The following PHF20 variants were observed in gnomAD, a reference collection of about 807,000 sequenced individuals.
PHF20 encodes PHD finger protein 20.
Under a neutral mutation model 113.5 loss-of-function variants are expected in PHF20, and 23 were observed. That is an observed-to-expected ratio of 0.20 (90% CI 0.15 to 0.29). The LOEUF (loss-of-function observed/expected upper bound fraction) is 0.29, where lower values mean the gene tolerates loss of function less well. Ranked by LOEUF, PHF20 falls within the 10% of genes least tolerant of loss-of-function variation. The pLI is 1.00. For missense variants in PHF20, 943 were observed against 1,219.6 expected (o/e 0.77, Z 3.38); for synonymous variants, 434 against 457.3 (o/e 0.95, Z 0.65).
intron 9 of PHF20, among the ~76,000 whole-genome samples, chr20:35,877,705 C>G (rs1360220225): frequency 6.6e-6 from 1 of 152,012 alleles, no homozygotes; most frequent in African/African-American, 2.4e-5. Flanking sequence ...GCCTCAGACC[C>G]TATTCTAAGC....
At chr20:35,787,158 ATTATTTATTTATTTAT>A (rs58760101) in intron 1 of PHF20, among the ~76,000 whole-genome samples, 6 of 143,836 alleles carry the variant, frequency 4.2e-5, no homozygotes, top group African/African-American at 7.8e-5. Context: ...TGCCTGGCTA[ATTATTTATTTATTTAT>A]TTATTTATTT....
At chr20:35,793,000 G>A (rs1038842174) in intron 1 of PHF20, among the ~76,000 whole-genome samples, 3 of 152,104 alleles carry the variant, frequency 2.0e-5, no homozygotes, top group Admixed American at 2.0e-4. Flanking sequence ...CCATCCCTAG[G>A]CATTCCCTGG....
intron 2 of PHF20, among the ~76,000 whole-genome samples, chr20:35,841,360 A>G (rs1013973046): frequency 3.9e-5 from 6 of 152,068 alleles, no homozygotes; most frequent in African/African-American, 1.2e-4. Flanking sequence ...CAATCAATCA[A>G]TCAAAATAAA....
At chr20:35,792,534 T>C (rs2041578408) in intron 1 of PHF20, among the ~76,000 whole-genome samples, 1 of 152,028 alleles carries the variant, frequency 6.6e-6, no homozygotes, top group Non-Finnish European at 1.5e-5. Flanking sequence ...CTTCCTTTCT[T>C]TTTCTTCCTC....
intron 7 of PHF20, among the ~76,000 whole-genome samples, 160 bp downstream of exon 7, chr20:35,869,711 G>C (rs2054384139): frequency 6.6e-6 from 1 of 152,140 alleles, no homozygotes; most frequent in South Asian, 2.1e-4. Flanking sequence ...AGGAGTTTTT[G>C]CTAGAAGAAA....
intron 9 of PHF20, among the ~76,000 whole-genome samples, chr20:35,897,914 C>T (rs1258514159): frequency 6.6e-6 from 1 of 150,586 alleles, no homozygotes; most frequent in Non-Finnish European, 1.5e-5. Flanking sequence ...CTTGCTCTGT[C>T]ACCCAGGCTG....
intron 17 of PHF20, among the ~76,000 whole-genome samples, chr20:35,944,852 C>G (rs551605748): frequency 6.6e-6 from 1 of 152,310 alleles, no homozygotes; most frequent in South Asian, 2.1e-4. Context: ...CAGGCGTGCA[C>G]GTCCGGCCTC....
At chr20:35,897,381 A>G (rs940754661) in intron 9 of PHF20, among the ~76,000 whole-genome samples, 1 of 152,122 alleles carries the variant, frequency 6.6e-6, no homozygotes, top group African/African-American at 2.4e-5. Context: ...TATACGATGT[A>G]TAATGATTAA....
chr20:35,911,296 C>T (rs1165887698), intron 10 of PHF20, among the ~76,000 whole-genome samples: 3 of 152,244 alleles, frequency 2.0e-5, no homozygotes, highest in African/African-American at 7.2e-5. Flanking sequence ...CCCGCCTTGG[C>T]CTCCCAAAGT....
At chr20:35,887,282 T>C (rs1406429328) in intron 9 of PHF20, among the ~76,000 whole-genome samples, 1 of 152,184 alleles carries the variant, frequency 6.6e-6, no homozygotes, top group Non-Finnish European at 1.5e-5. Flanking sequence ...ACAAATACAG[T>C]AGCTGAAACA....
At chr20:35,835,091 A>G (rs978585580) in intron 2 of PHF20, among the ~76,000 whole-genome samples, 4 of 152,130 alleles carry the variant, frequency 2.6e-5, no homozygotes, top group African/African-American at 9.7e-5. Context: ...CCTGGCCAAC[A>G]TGCTGAAACC....
Position 35,843,672 on chromosome 20 carries a change from TC to T in PHF20, c.255+931del, listed in dbSNP as rs1368694554. ...ATCATGGCTCACTGCAGCCTCAATC[TC>T]CCAGGCTCAAGCGATCTTTCCACTT... On this transcript the variant is annotated intron_variant, in intron 3 of 17. Transcript: ENST00000374012. 2.0e-5 allele frequency among the ~76,000 whole-genome samples: 3 copies of T among 152,086 alleles called. No individual in the cohort carries two copies. In the East Asian group the frequency reaches 5.8e-4, roughly 29 times the overall value.
At chr20:35,944,911 A>G (rs2056059520) in intron 17 of PHF20, among the ~76,000 whole-genome samples, 1 of 151,910 alleles carries the variant, frequency 6.6e-6, no homozygotes, top group African/African-American at 2.4e-5. Flanking sequence ...GTCTCCTTCT[A>G]GTTTTTTTTA....
At chr20:35,805,354 T>TTATTATTATTA (rs776924388) in intron 2 of PHF20, among the ~76,000 whole-genome samples, 1 of 125,196 alleles carries the variant, frequency 8.0e-6, no homozygotes, top group Non-Finnish European at 1.7e-5. Context: ...CGCCTGATTT[T>TTATTATTATTA]TTATTATTAT....
chr20:35,839,540 A>G (rs1285747130), intron 2 of PHF20, among the ~76,000 whole-genome samples: 1 of 152,162 alleles, frequency 6.6e-6, no homozygotes, highest in Non-Finnish European at 1.5e-5. Context: ...CCTTCTCCCC[A>G]TTTTACAGAG....
intron 3 of PHF20, among the ~76,000 whole-genome samples, chr20:35,843,142 G>A (rs193099129): frequency 3.3e-5 from 5 of 151,338 alleles, no homozygotes; most frequent in African/African-American, 7.3e-5. Context: ...CCAATTTTAC[G>A]GCATTGTATC....
intron 2 of PHF20, among the ~76,000 whole-genome samples, chr20:35,840,156 A>T (rs11907811): frequency 0.11 from 16,064 of 152,170 alleles, 881 homozygotes; most frequent in South Asian, 0.16. Context: ...TGCAGGGAGA[A>T]AATACAGATA....
intron 12 of PHF20, chr20:35,917,234 C>T: frequency 1.7e-6 from 1 of 575,308 alleles, no homozygotes; most frequent in South Asian, 1.6e-5. Flanking sequence ...CTTGAGTAGC[C>T]ACTGCCGTTG....
intron 2 of PHF20, among the ~76,000 whole-genome samples, chr20:35,841,907 T>C (rs978571185): frequency 1.3e-5 from 2 of 152,242 alleles, no homozygotes; most frequent in African/African-American, 4.8e-5. Context: ...AAATCTAATC[T>C]AGTTGTTAAA....
Sources: gnomAD v4.1 joint callset for allele counts (sites outside exome capture counted in the v4.1 genomes callset) on GRCh38, gnomAD v4.1.1 for gene constraint, MANE v1.5 for transcripts, NCBI Gene and HGNC (gene_info 2026-07-23, HGNC 2026-07-21) for gene names.